EPHA6: variants seen among roughly 807,000 people sequenced by gnomAD.
EPHA6 encodes the protein EPH receptor A6.
In EPHA6, 50 loss-of-function variants were observed where a neutral mutation model predicts 112.0. That is an observed-to-expected ratio of 0.45 (90% CI 0.36 to 0.56). The LOEUF is 0.56. EPHA6 is among the 20% of genes least tolerant of loss of function. EPHA6 has a pLI of 0.00. For missense variants in EPHA6, 1,280 were observed against 1,417.4 expected, an observed-to-expected ratio of 0.90 and a Z score of 1.56; for synonymous variants, 529 against 490.7, an observed-to-expected ratio of 1.08 and a Z score of -1.03.
At chr3:97,222,659 A>G (rs998317378) in intron 3 of EPHA6, among the ~76,000 whole-genome samples, 1 of 152,236 alleles carries the variant, frequency 6.6e-6, no homozygotes, top group Non-Finnish European at 1.5e-5. Context: ...ATATAAATCT[A>G]TAGAAAGATG....
chr3:96,991,035 G>T (rs554773901), intron 3 of EPHA6, among the ~76,000 whole-genome samples: 10 of 151,952 alleles, frequency 6.6e-5, no homozygotes, highest in Non-Finnish European at 1.0e-4. Flanking sequence ...TGTCACCCAG[G>T]CTGGAGTGCA....
chr3:97,103,783 G>A (rs1368690792), intron 3 of EPHA6, among the ~76,000 whole-genome samples: 1 of 152,064 alleles, frequency 6.6e-6, no homozygotes, highest in Non-Finnish European at 1.5e-5. Flanking sequence ...ACATGATCAT[G>A]GAACGTTTTC....
intron 3 of EPHA6, among the ~76,000 whole-genome samples, chr3:97,139,145 C>T (rs2075834286): frequency 6.6e-6 from 1 of 152,160 alleles, no homozygotes; most frequent in African/African-American, 2.4e-5. Context: ...CACCTTCAGG[C>T]ACCTTGGTGG....
At chr3:97,213,997 CTG>C (rs10557927) in intron 3 of EPHA6, among the ~76,000 whole-genome samples, 76,042 of 128,828 alleles carry the variant, frequency 0.59, 25,394 homozygotes, top group Non-Finnish European at 0.75. Context: ...CTCATGTGTT[CTG>C]TGTGTGTGTG....
chr3:97,715,144 A>G (rs935023991), intron 14 of EPHA6, among the ~76,000 whole-genome samples: 3 of 152,182 alleles, frequency 2.0e-5, no homozygotes, highest in Non-Finnish European at 2.9e-5. Flanking sequence ...TCTGTCTGCC[A>G]TCAGGCTGTC....
intron 3 of EPHA6, among the ~76,000 whole-genome samples, chr3:97,200,899 G>GTGATAGT (rs1205921858): frequency 6.6e-6 from 1 of 152,136 alleles, no homozygotes; most frequent in Non-Finnish European, 1.5e-5. Flanking sequence ...ATGTGAAAAT[G>GTGATAGT]TGATAGTTCT....
chr3:97,521,780 A>C (rs2092546990), intron 10 of EPHA6, among the ~76,000 whole-genome samples: 1 of 152,124 alleles, frequency 6.6e-6, no homozygotes, highest in East Asian at 1.9e-4. Flanking sequence ...GGGGCATGAC[A>C]GTGCACCCAA....
At chr3:96,924,044 T>C (rs1008147202) in intron 2 of EPHA6, among the ~76,000 whole-genome samples, 1 of 152,194 alleles carries the variant, frequency 6.6e-6, no homozygotes, top group Non-Finnish European at 1.5e-5. Flanking sequence ...TTTGTTACTC[T>C]AGCCTAGTAG....
chr3:97,714,168 C>T (rs1407828150), intron 14 of EPHA6, among the ~76,000 whole-genome samples: 1 of 152,156 alleles, frequency 6.6e-6, no homozygotes, highest in Non-Finnish European at 1.5e-5. Context: ...CTGATCTGGG[C>T]TGGAAGCCAA....
intron 3 of EPHA6, among the ~76,000 whole-genome samples, chr3:97,153,998 T>C (rs1401060900): frequency 1.3e-5 from 2 of 151,896 alleles, no homozygotes. Context: ...AAATCCCATC[T>C]CTACTGAAAA....
chr3:97,386,021 C>A (rs2086046176), intron 5 of EPHA6, among the ~76,000 whole-genome samples: 1 of 152,172 alleles, frequency 6.6e-6, no homozygotes, highest in East Asian at 1.9e-4. Flanking sequence ...CCACCCTTGG[C>A]CCCTCAAAAA....
At chr3:97,426,465 G>A (rs2089135372) in intron 6 of EPHA6, among the ~76,000 whole-genome samples, 2 of 152,196 alleles carry the variant, frequency 1.3e-5, no homozygotes, top group Admixed American at 6.5e-5. Flanking sequence ...TGACATGTGG[G>A]GACTATTACT....
intron 3 of EPHA6, among the ~76,000 whole-genome samples, chr3:97,083,810 A>G (rs981517646): frequency 6.6e-6 from 1 of 151,878 alleles, no homozygotes; most frequent in Non-Finnish European, 1.5e-5. Flanking sequence ...ATTATTTGTA[A>G]TAGTTAAGTA....
intron 14 of EPHA6, among the ~76,000 whole-genome samples, chr3:97,689,755 T>C (rs2032525797): frequency 6.6e-6 from 1 of 152,182 alleles, no homozygotes; most frequent in South Asian, 2.1e-4. Context: ...TAGAACATTG[T>C]CACACCCCCC....
intron 14 of EPHA6, among the ~76,000 whole-genome samples, chr3:97,688,870 C>T (rs889360512): frequency 6.6e-6 from 1 of 151,970 alleles, no homozygotes; most frequent in Non-Finnish European, 1.5e-5. Context: ...AAGTAAAGCC[C>T]CTTTCATTCA....
chr3:97,642,054 C>A (rs374652873), intron 14 of EPHA6, among the ~76,000 whole-genome samples: 34 of 146,372 alleles, frequency 2.3e-4, no homozygotes, highest in African/African-American at 6.4e-4. Context: ...GACAGCTTTG[C>A]AGAGAGCAGT....
intron 8 of EPHA6, among the ~76,000 whole-genome samples, chr3:97,478,337 A>G (rs2091435282): frequency 6.6e-6 from 1 of 152,146 alleles, no homozygotes; most frequent in Non-Finnish European, 1.5e-5. Flanking sequence ...AACACAAAAG[A>G]AAACATTTCA....
At chr3:96,861,574 T>C (rs554056138) in intron 1 of EPHA6, among the ~76,000 whole-genome samples, 1 of 152,134 alleles carries the variant, frequency 6.6e-6, no homozygotes, top group East Asian at 1.9e-4. Flanking sequence ...TTGATTTTAT[T>C]CTCTAATTAG....
chr3:97,371,136 A>G (rs1225824297), intron 5 of EPHA6, among the ~76,000 whole-genome samples: 1 of 151,986 alleles, frequency 6.6e-6, no homozygotes, highest in Non-Finnish European at 1.5e-5. Context: ...TTTCGTTACC[A>G]ATACAAAATT....
Sources: allele counts gnomAD v4.1 joint callset (sites outside exome capture counted in the v4.1 genomes callset), GRCh38; gene constraint gnomAD v4.1.1; transcripts MANE v1.5; gene names NCBI Gene and HGNC (gene_info 2026-07-23, HGNC 2026-07-21).